The following PTPRZ1 variants were observed in gnomAD, a reference collection of about 807,000 sequenced individuals.
PTPRZ1 encodes receptor-type tyrosine-protein phosphatase zeta.
In PTPRZ1, 82 loss-of-function variants were observed where a neutral mutation model predicts 214.1. The ratio of observed to expected loss-of-function variants is 0.38; its 90% confidence interval spans 0.32 to 0.46. The LOEUF is 0.46. PTPRZ1 is among the 20% of genes least tolerant of loss of function. The pLI is 1.00. For synonymous variants in PTPRZ1, 945 were observed against 987.9 expected (o/e 0.96, Z 0.81); for missense variants, 2,603 against 2,748.7 (o/e 0.95, Z 1.19).
rs1038733175 is a variant in PTPRZ1, at chr7:122,004,642, A to G, written c.1269A>G (p.Gly423=). 1.5e-6 allele frequency: 2 copies of G among 1,361,598 alleles called. No individual in the cohort carries two copies. Among genetic ancestry groups the G allele is most frequent in the African/African-American group, 2.9e-5 (2 of 69,078 alleles). The allele number at this position is 1,361,598 out of a possible 1,614,324, so 84.3% of individuals were successfully genotyped here. Residue 423 remains glycine (G), a synonymous_variant, in exon 11 of 30, where the codon GGA becomes GGG. Coordinates refer to ENST00000393386, the MANE Select transcript of PTPRZ1 (RefSeq NM_002851.3). ...TTGATCTTTTCCCTGAATTAATTGGAACTGAAGAAATAATCAAGGTATCAT... is the reference window on the plus strand; with the variant it reads ...TTGATCTTTTCCCTGAATTAATTGGGACTGAAGAAATAATCAAGGTATCAT... ...PELDLFPELI[G]TEEIIKEEEE...
chr7:122,044,308 C>G, intron 22 of PTPRZ1, 114 bp from the exon 23 acceptor site: 1 of 1,237,052 alleles, frequency 8.1e-7, no homozygotes, highest in African/African-American at 1.5e-5. Context: ...TTGTGTGGGT[C>G]TTCCCCCATT....
intron 1 of PTPRZ1, among the ~76,000 whole-genome samples, chr7:121,888,314 T>C (rs953671718): frequency 6.6e-6 from 1 of 151,724 alleles, no homozygotes; most frequent in Non-Finnish European, 1.5e-5. Context: ...CAGTAAGACA[T>C]GTAAAACAGT....
chr7:122,017,340 T>C (rs1392492772), intron 12 of PTPRZ1, among the ~76,000 whole-genome samples: 1 of 152,088 alleles, frequency 6.6e-6, no homozygotes, highest in Non-Finnish European at 1.5e-5. Flanking sequence ...TTTTAAAAAA[T>C]GGAGTCTTGG....
In PTPRZ1 at chr7:122,061,366, A is replaced by G. The variant is rs1792572585; in HGVS notation, c.*146A>G. ...GACATAGGATTCTGCCGCCAAATTT[A>G]TATCATTAACAATGTGTGCCTTTTT... On this transcript the variant is annotated 3_prime_UTR_variant, in exon 30 of 30. Coordinates refer to ENST00000393386, the MANE Select transcript of PTPRZ1 (RefSeq NM_002851.3). 4 of 658,350 alleles carry G rather than the reference A, an allele frequency of 6.1e-6. No homozygotes were observed. The highest frequency in any genetic ancestry group is 3.8e-4 in the Middle Eastern group (1 of 2,662). 40.8% of individuals were successfully genotyped at this position (658,350 alleles called of 1,614,324 possible).
At chr7:122,015,212 G>A (rs974943910) in intron 12 of PTPRZ1, among the ~76,000 whole-genome samples, 16 of 152,052 alleles carry the variant, frequency 1.1e-4, no homozygotes, top group Middle Eastern at 3.2e-3. Context: ...AAATGTGAAC[G>A]TATCTTAAAG....
intron 3 of PTPRZ1, among the ~76,000 whole-genome samples, chr7:121,971,035 C>T (rs1584696085): frequency 6.6e-6 from 1 of 152,202 alleles, no homozygotes; most frequent in African/African-American, 2.4e-5. Context: ...AGCCAGTTTT[C>T]CCAGCACCAT....
intron 1 of PTPRZ1, among the ~76,000 whole-genome samples, chr7:121,884,609 G>GGCCC (rs544474644): frequency 1.6e-3 from 243 of 152,176 alleles, no homozygotes; most frequent in African/African-American, 5.5e-3. Context: ...AAAGGGTTTG[G>GGCCC]GCCCAGTTAG....
At chr7:121,930,636 T>G (rs1420117257) in intron 2 of PTPRZ1, among the ~76,000 whole-genome samples, 1 of 152,172 alleles carries the variant, frequency 6.6e-6, no homozygotes, top group African/African-American at 2.4e-5. Context: ...GGAGTCTAAA[T>G]TTTAATTTGT....
At chr7:121,966,647 T>A (rs1003309005) in intron 2 of PTPRZ1, among the ~76,000 whole-genome samples, 1 of 152,206 alleles carries the variant, frequency 6.6e-6, no homozygotes, top group African/African-American at 2.4e-5. Flanking sequence ...TGCCTCACTA[T>A]GAGATGTATT....
At chr7:122,039,683 A>G in intron 20 of PTPRZ1, 95 bp downstream of exon 20, 2 of 1,451,062 alleles carry the variant, frequency 1.4e-6, no homozygotes. Context: ...GGTAAAAAGC[A>G]TATAACTAAA....
intron 1 of PTPRZ1, among the ~76,000 whole-genome samples, chr7:121,883,193 A>T (rs1268146269): frequency 6.6e-6 from 1 of 152,204 alleles, no homozygotes; most frequent in Non-Finnish European, 1.5e-5. Context: ...GAACAGATTA[A>T]CTCAGTGCCT....
At chr7:122,025,391 G>A (rs967917346) in intron 13 of PTPRZ1, among the ~76,000 whole-genome samples, 2 of 146,932 alleles carry the variant, frequency 1.4e-5, no homozygotes, top group African/African-American at 2.5e-5. Flanking sequence ...GTGCAATGGT[G>A]CGATCTCAGC....
At position 121,873,695 on chromosome 7, in the gene PTPRZ1, C is replaced by T. The variant is rs1200052576; in HGVS notation, c.58+138C>T. ...AAAGGGACAGCCAACTGGGCTCCCA[C>T]GGAGCGGGCGGCCGCGCGGTGCAGG... is the stretch of plus-strand genomic sequence containing the variant. On this transcript the variant is annotated intron_variant, in intron 1 of 29. Transcript: ENST00000393386. 4.6e-6 allele frequency: 5 copies of T among 1,078,192 alleles called. No homozygotes were observed. The Admixed American group carries it at 6.3e-5, about 14-fold the overall frequency. 66.8% of individuals were successfully genotyped at this position (1,078,192 alleles called of 1,614,324 possible). A position where few individuals can be genotyped will look rare whatever the true frequency, so the allele number is the denominator to read the frequency against.
At position 121,873,319 on chromosome 7, in the gene PTPRZ1, C is replaced by CTG. The variant is rs1159738613; in HGVS notation, c.-180_-179insGT. 36 of 540,946 alleles carry CTG rather than the reference C, an allele frequency of 6.7e-5. No homozygotes were observed. Among genetic ancestry groups the CTG allele is most frequent in the African/African-American group, 1.5e-4 (5 of 32,762 alleles). The allele number at this position is 540,946 out of a possible 1,614,324, so 33.5% of individuals were successfully genotyped here. A position where few individuals can be genotyped will look rare whatever the true frequency, so the allele number is the denominator to read the frequency against. On this transcript the variant is annotated 5_prime_UTR_variant, in exon 1 of 30. Transcript: ENST00000393386. ...TCTCTCTCTGTCTCTGTCTCTGTCT[C>CTG]TCTCTCTCTCACACACACACACACA...
intron 14 of PTPRZ1, among the ~76,000 whole-genome samples, 178 bp downstream of exon 14, chr7:122,028,821 C>A (rs1799285054): frequency 6.6e-6 from 1 of 151,950 alleles, no homozygotes; most frequent in African/African-American, 2.4e-5. Flanking sequence ...TATATTCTGT[C>A]CTCATTAATT....
At chr7:121,909,981 A>G (rs1795222463) in intron 1 of PTPRZ1, among the ~76,000 whole-genome samples, 1 of 152,210 alleles carries the variant, frequency 6.6e-6, no homozygotes, top group Non-Finnish European at 1.5e-5. Context: ...AAATATTTTT[A>G]AAAGGGCAAA....
intron 12 of PTPRZ1, among the ~76,000 whole-genome samples, chr7:122,015,004 A>T (rs570137411): frequency 6.6e-6 from 1 of 152,314 alleles, no homozygotes; most frequent in Admixed American, 6.5e-5. Context: ...TGTAGAAATG[A>T]ATTTCATTTG....
intron 1 of PTPRZ1, chr7:121,908,352 TCAATCC>T: frequency 1.3e-5 from 4 of 315,504 alleles, no homozygotes; most frequent in South Asian, 2.8e-5. Flanking sequence ...AATGTGTAGA[TCAATCC>T]CTTTGGAAAA....
intron 1 of PTPRZ1, among the ~76,000 whole-genome samples, chr7:121,927,815 A>G (rs999905306): frequency 1.3e-5 from 2 of 152,224 alleles, no homozygotes; most frequent in African/African-American, 4.8e-5. Flanking sequence ...AGGGAATGGT[A>G]ACAAAAATTT....
Sources: gnomAD v4.1 joint callset for allele counts (sites outside exome capture counted in the v4.1 genomes callset) on GRCh38, gnomAD v4.1.1 for gene constraint, MANE v1.5 for transcripts, NCBI Gene and HGNC (gene_info 2026-07-23, HGNC 2026-07-21) for gene names.